MLLT10: variants seen among roughly 807,000 people sequenced by gnomAD.
The protein encoded by MLLT10 is protein AF-10.
A neutral mutation model predicts 129.1 loss-of-function variants in MLLT10; 30 were observed. That is an observed-to-expected ratio of 0.23 (90% CI 0.17 to 0.32). The LOEUF (loss-of-function observed/expected upper bound fraction) is 0.32, where lower values mean the gene tolerates loss of function less well. MLLT10 is among the 10% of genes least tolerant of loss of function. MLLT10 has a pLI of 1.00. For missense variants in MLLT10, 1,119 were observed against 1,268.3 expected (o/e 0.88, Z 1.79); for synonymous variants, 490 against 446.4 (o/e 1.10, Z -1.23).
At chr10:21,721,587 T>C (rs1179006111) in intron 14 of MLLT10, among the ~76,000 whole-genome samples, 1 of 152,168 alleles carries the variant, frequency 6.6e-6, no homozygotes, top group Non-Finnish European at 1.5e-5. Flanking sequence ...GGTAAACTCT[T>C]AATAACAGGA....
At chr10:21,660,397 C>G (rs562033669) in intron 9 of MLLT10, among the ~76,000 whole-genome samples, 11 of 151,036 alleles carry the variant, frequency 7.3e-5, no homozygotes, top group Non-Finnish European at 1.6e-4. Context: ...AGGTGGATCA[C>G]TTGAGGTCAG....
rs1262460771 is a variant in MLLT10, at chr10:21,670,692, C to T, written c.1039C>T (p.Pro347Ser). Reference protein sequence around the residue: ...NPGTTVSAASPFPQGSFSGTP... With the variant: ...NPGTTVSAASSFPQGSFSGTP... ...AGGAACAACTGTGTCAGCAGCTAGC[C>T]CTTTTCCTCAAGGTATTAGTGATGT... Residue 347 changes from proline to serine, a missense_variant, in exon 10 of 23, where the codon CCT (proline) becomes TCT (serine). Pro to Ser is a moderately conservative substitution (Grantham distance 74, BLOSUM62 -1). Coordinates refer to ENST00000307729, the MANE Select transcript of MLLT10 (RefSeq NM_001195626.3). The T allele has an allele frequency of 3.7e-6, 6 of 1,613,674 alleles. No homozygotes were observed. The highest frequency in any genetic ancestry group is 5.1e-6 in the Non-Finnish European group (6 of 1,179,848).
intron 18 of MLLT10, 149 bp downstream of exon 18, chr10:21,733,236 A>C (rs2058093513): frequency 3.1e-5 from 24 of 774,544 alleles, no homozygotes; most frequent in Non-Finnish European, 4.1e-5. Context: ...GAATCCTGTT[A>C]AGTGATCAAC....
At chr10:21,564,764 C>T (rs1273641753) in intron 3 of MLLT10, among the ~76,000 whole-genome samples, 1 of 149,670 alleles carries the variant, frequency 6.7e-6, no homozygotes, top group Non-Finnish European at 1.5e-5. Flanking sequence ...GTGGAGGTTG[C>T]AGTGAGCCGC....
In MLLT10 at chr10:21,549,804, A is replaced by G. The variant is rs375157474; in HGVS notation, c.240+10892A>G. 8.6e-5 allele frequency among the ~76,000 whole-genome samples: 13 copies of G among 151,442 alleles called. No individual in the cohort carries two copies. In the East Asian group the frequency reaches 2.3e-3, roughly 27 times the overall value. On this transcript the variant is annotated intron_variant, in intron 3 of 22. Coordinates refer to ENST00000307729, the MANE Select transcript of MLLT10 (RefSeq NM_001195626.3). ...CAGGTGTGTGCCACTATGCCTGGCT[A>G]ATTTTTGTATTTTTTGTAGAAATGG...
chr10:21,581,237 C>T (rs747746260), intron 3 of MLLT10, among the ~76,000 whole-genome samples: 6 of 151,530 alleles, frequency 4.0e-5, no homozygotes, highest in African/African-American at 1.2e-4. Context: ...TTAGTAGAGA[C>T]GGGGTTTCAC....
In MLLT10 at chr10:21,625,745, C is replaced by T. The variant is rs878945322; in HGVS notation, c.699+8538C>T. The T allele has an allele frequency of 3.9e-6, 3 of 768,506 alleles. No individual in the cohort carries two copies. The South Asian group carries it at 4.0e-5, about 10-fold the overall frequency. The allele number at this position is 768,506 out of a possible 1,614,324, so 47.6% of individuals were successfully genotyped here. Reference sequence around the variant, plus strand: ...GAAATGCGCACTCCATGTTGTTTACCAGGGCGAATTTCATAGCTGTCACAG... The same window carrying T: ...GAAATGCGCACTCCATGTTGTTTACTAGGGCGAATTTCATAGCTGTCACAG... On this transcript the variant is annotated intron_variant, in intron 8 of 22. Transcript: ENST00000307729.
rs1288713711 is a variant in MLLT10 at position 21,717,686 on chromosome 10, C to CTCT, written c.1878+3738_1878+3739insTTC. 4.5e-3 allele frequency among the ~76,000 whole-genome samples: 263 copies of CTCT among 58,962 alleles called. 6 individuals carry two copies. The highest frequency in any genetic ancestry group is 0.013 in the African/African-American group (146 of 11,388). 38.7% of individuals were successfully genotyped at this position (58,962 alleles called of 152,430 possible). A position where few individuals can be genotyped will look rare whatever the true frequency, so the allele number is the denominator to read the frequency against. On this transcript the variant is annotated intron_variant, in intron 14 of 22. Coordinates refer to ENST00000307729, the MANE Select transcript of MLLT10 (RefSeq NM_001195626.3). ...CCTCTTCCTCCTCCTCTTCCTCCTC[C>CTCT]TCCTCCTCCTCCTCTTCCTCCTCCT...
intron 13 of MLLT10, among the ~76,000 whole-genome samples, chr10:21,699,235 CTT>C (rs779156884): frequency 2.6e-4 from 36 of 137,498 alleles, no homozygotes; most frequent in Admixed American, 3.7e-4. Flanking sequence ...TTAATGGTAT[CTT>C]TTTTTTTTTT....
At chr10:21,583,611 G>C (rs998212542) in intron 3 of MLLT10, among the ~76,000 whole-genome samples, 3 of 152,118 alleles carry the variant, frequency 2.0e-5, no homozygotes, top group Non-Finnish European at 4.4e-5. Flanking sequence ...TTTTACTCAT[G>C]GGGCAGTGGG....
chr10:21,625,675 C>T, intron 8 of MLLT10: 1 of 764,658 alleles, frequency 1.3e-6, no homozygotes, highest in Non-Finnish European at 2.5e-6. Flanking sequence ...TTTCTTTAGT[C>T]TTATTCTTCA....
intron 4 of MLLT10, among the ~76,000 whole-genome samples, chr10:21,594,218 A>G (rs1218651612): frequency 1.3e-5 from 2 of 151,918 alleles, no homozygotes; most frequent in African/African-American, 4.8e-5. Context: ...TTGTTTCTGA[A>G]TGTACATCCC....
chr10:21,668,883 T>G, intron 9 of MLLT10: 1 of 1,156,448 alleles, frequency 8.6e-7, no homozygotes, highest in East Asian at 4.7e-5. Context: ...AGAACACCAC[T>G]GTGTTTTCTT....
At position 21,534,669 on chromosome 10, in the gene MLLT10, T is replaced by C. The variant is rs772559817; in HGVS notation, c.25T>C (p.Ser9Pro). MVSSDRPVSLEDEVSHSMK... is the reference protein window; with the variant it reads MVSSDRPVPLEDEVSHSMK... ...GATGGTCTCTAGCGACCGGCCCGTG[T>C]CACTGGAGGACGAGGTCTCCCATAG... The change falls in exon 2 of 23, where the codon TCA becomes CCA. Residue 9 changes from serine (S) to proline (P), a missense_variant. By Grantham distance (74) the Ser-to-Pro change is moderately conservative (BLOSUM62 -1). Transcript: ENST00000307729. The C allele has an allele frequency of 2.5e-6, 4 of 1,612,026 alleles. No individual in the cohort carries two copies. The Admixed American group carries it at 6.7e-5, about 27-fold the overall frequency.
chr10:21,668,513 C>A (rs1378919319), intron 9 of MLLT10, among the ~76,000 whole-genome samples: 1 of 152,080 alleles, frequency 6.6e-6, no homozygotes, highest in Admixed American at 6.5e-5. Context: ...TTGTTAACAT[C>A]TAAAGCTAAA....
chr10:21,709,464 C>T (rs549660349), intron 13 of MLLT10, among the ~76,000 whole-genome samples: 80 of 152,272 alleles, frequency 5.3e-4, no homozygotes, highest in Non-Finnish European at 5.9e-4. Context: ...CTCCTGACCT[C>T]AGGTGATCCA....
At chr10:21,573,620 A>G (rs1055853056) in intron 3 of MLLT10, among the ~76,000 whole-genome samples, 1 of 151,102 alleles carries the variant, frequency 6.6e-6, no homozygotes, top group African/African-American at 2.4e-5. Context: ...AGTGATGGGT[A>G]CAGTGGCACA....
chr10:21,693,169 A>G (rs778381695), intron 13 of MLLT10, among the ~76,000 whole-genome samples: 1 of 152,172 alleles, frequency 6.6e-6, no homozygotes, highest in African/African-American at 2.4e-5. Context: ...CTTAGTGTTT[A>G]TAGAGAAAAA....
chr10:21,681,736 A>G (rs2052757445), intron 12 of MLLT10, among the ~76,000 whole-genome samples: 1 of 151,972 alleles, frequency 6.6e-6, no homozygotes, highest in African/African-American at 2.4e-5. Context: ...GGTTTTTTTC[A>G]TTAAGTCTTC....
Sources: gnomAD v4.1 joint callset for allele counts (sites outside exome capture counted in the v4.1 genomes callset) on GRCh38, gnomAD v4.1.1 for gene constraint, MANE v1.5 for transcripts, NCBI Gene and HGNC (gene_info 2026-07-23, HGNC 2026-07-21) for gene names.